OSBPL6: variants seen among roughly 807,000 people sequenced by gnomAD.
The protein encoded by OSBPL6 is oxysterol-binding protein-related protein 6.
A neutral mutation model predicts 125.8 loss-of-function variants in OSBPL6; 49 were observed. That is an observed-to-expected ratio of 0.39 (90% confidence interval 0.31 to 0.49). The LOEUF (loss-of-function observed/expected upper bound fraction) is 0.49, where lower values mean the gene tolerates loss of function less well. OSBPL6 is among the 20% of genes least tolerant of loss of function. The probability of loss-of-function intolerance (pLI) is 0.88; values close to 1 mark genes in which losing one functional copy is unlikely to be tolerated. For missense variants in OSBPL6, 986 were observed against 1,135.4 expected (o/e 0.87, Z 1.89); for synonymous variants, 394 against 391.8 (o/e 1.01, Z -0.07).
At chr2:178,237,433 G>T (rs1307290272) in intron 1 of OSBPL6, among the ~76,000 whole-genome samples, 3 of 151,994 alleles carry the variant, frequency 2.0e-5, no homozygotes, top group Admixed American at 6.6e-5. Flanking sequence ...ATTTGAAAAG[G>T]TCTCCTCTAT....
chr2:178,348,192 G>A (rs1464690792), intron 11 of OSBPL6, among the ~76,000 whole-genome samples: 1 of 152,190 alleles, frequency 6.6e-6, no homozygotes, highest in Non-Finnish European at 1.5e-5. Context: ...CCATCAGAAG[G>A]TAATGGTTCC....
At chr2:178,334,058 G>A (rs1457737097) in intron 8 of OSBPL6, among the ~76,000 whole-genome samples, 2 of 152,124 alleles carry the variant, frequency 1.3e-5, no homozygotes, top group Non-Finnish European at 2.9e-5. Flanking sequence ...GCTGAAATAA[G>A]AGTTCACTTC....
In OSBPL6 at chr2:178,328,508, GA is replaced by G. The variant is rs1268515407; in HGVS notation, c.318+131del. 25 of 1,109,682 alleles carry G rather than the reference GA, an allele frequency of 2.3e-5. No individual in the cohort carries two copies. In the East Asian group the frequency reaches 6.3e-4, roughly 28 times the overall value. 68.7% of individuals were successfully genotyped at this position (1,109,682 alleles called of 1,614,324 possible). A position where few individuals can be genotyped will look rare whatever the true frequency, so the allele number is the denominator to read the frequency against. On this transcript the variant is annotated intron_variant, in intron 5 of 24. Coordinates refer to ENST00000190611, the MANE Select transcript of OSBPL6 (RefSeq NM_032523.4). ...CTAGCTTTTTAAAACTTTTTTTTGA[GA>G]CAGATTCTCACTCTGTTACCCAAGC...
intron 5 of OSBPL6, 69 bp downstream of exon 5, chr2:178,328,447 G>C (rs904156659): frequency 2.2e-5 from 34 of 1,567,390 alleles, no homozygotes; most frequent in Non-Finnish European, 2.8e-5. Flanking sequence ...TGCTATCATG[G>C]GGTGGGAAAC....
intron 3 of OSBPL6, among the ~76,000 whole-genome samples, chr2:178,315,655 T>C (rs1687667498): frequency 6.6e-6 from 1 of 152,172 alleles, no homozygotes; most frequent in African/African-American, 2.4e-5. Context: ...ATGACTGGTT[T>C]TGGGTGACAT....
chr2:178,243,506 C>T (rs972965291), intron 1 of OSBPL6, among the ~76,000 whole-genome samples: 1 of 152,122 alleles, frequency 6.6e-6, no homozygotes, highest in Admixed American at 6.5e-5. Context: ...CCTTTGGTGC[C>T]TCATTCCTTC....
At chr2:178,225,001 C>CG (rs1559134482) in intron 1 of OSBPL6, among the ~76,000 whole-genome samples, 1 of 41,132 alleles carries the variant, frequency 2.4e-5, no homozygotes, top group African/African-American at 8.1e-5. Flanking sequence ...CTCTCTCTCT[C>CG]TTTCTCTCTC....
intron 5 of OSBPL6, among the ~76,000 whole-genome samples, 200 bp downstream of exon 5, chr2:178,328,578 C>T (rs984109115): frequency 6.6e-6 from 1 of 152,176 alleles, no homozygotes; most frequent in African/African-American, 2.4e-5. Context: ...GCTTCCACCT[C>T]GCAGGTTCAA....
chr2:178,300,157 C>A (rs1252953763), intron 2 of OSBPL6, among the ~76,000 whole-genome samples: 3 of 152,200 alleles, frequency 2.0e-5, no homozygotes, highest in Non-Finnish European at 2.9e-5. Flanking sequence ...CAAACCTTAT[C>A]TTCACTTACA....
intron 1 of OSBPL6, among the ~76,000 whole-genome samples, chr2:178,276,592 C>T (rs956207467): frequency 6.6e-6 from 1 of 151,940 alleles, no homozygotes. Flanking sequence ...AGGCTGGTCT[C>T]GAACTCCTGA....
chr2:178,388,715 G>A (rs1695155588), intron 20 of OSBPL6, among the ~76,000 whole-genome samples: 1 of 152,172 alleles, frequency 6.6e-6, no homozygotes, highest in African/African-American at 2.4e-5. Flanking sequence ...CATATTTTAA[G>A]TATTTGTTTG....
intron 2 of OSBPL6, among the ~76,000 whole-genome samples, chr2:178,298,640 C>A (rs532666020): frequency 5.2e-4 from 79 of 151,756 alleles, no homozygotes; most frequent in African/African-American, 1.8e-3. Context: ...ACCTCTTCCT[C>A]CCAAAGTGCT....
intron 1 of OSBPL6, among the ~76,000 whole-genome samples, chr2:178,201,680 A>C (rs538412837): frequency 1.3e-5 from 2 of 152,220 alleles, no homozygotes; most frequent in Admixed American, 6.5e-5. Flanking sequence ...GAGGTGTCCG[A>C]GCCAGTGCCA....
chr2:178,253,188 A>C (rs1380091625), intron 1 of OSBPL6, among the ~76,000 whole-genome samples: 2 of 151,852 alleles, frequency 1.3e-5, no homozygotes, highest in Non-Finnish European at 2.9e-5. Flanking sequence ...AGCCCAGCTA[A>C]TTTTTGTATT....
intron 1 of OSBPL6, among the ~76,000 whole-genome samples, chr2:178,276,095 C>T (rs2092463313): frequency 6.6e-6 from 1 of 152,054 alleles, no homozygotes; most frequent in Admixed American, 6.5e-5. Context: ...TTCTACTTTC[C>T]CCCTAGTGTA....
rs73032582 is a variant in OSBPL6 at position 178,349,125 on chromosome 2, G to A, written c.988-99G>A. On this transcript the variant is annotated intron_variant, in intron 11 of 24. Transcript: ENST00000190611. ...TGTCTCCAAGTGTGTTATCAGAGAG[G>A]AATCTATTATTTTGAAGAACGGGAG... The A allele has an allele frequency of 6.5e-3, 8,060 of 1,241,882 alleles. 363 individuals are homozygous for A. The African/African-American group carries it at 0.1, about 16-fold the overall frequency. 76.9% of individuals were successfully genotyped at this position (1,241,882 alleles called of 1,614,324 possible). A position where few individuals can be genotyped will look rare whatever the true frequency, so the allele number is the denominator to read the frequency against.
At chr2:178,385,229 T>A (rs1694837690) in intron 18 of OSBPL6, among the ~76,000 whole-genome samples, 1 of 151,778 alleles carries the variant, frequency 6.6e-6, no homozygotes, top group Middle Eastern at 3.4e-3. Context: ...GAACTTAAAG[T>A]ATAATTAAAG....
At chr2:178,298,066 T>G (rs1685923925) in intron 2 of OSBPL6, among the ~76,000 whole-genome samples, 1 of 152,190 alleles carries the variant, frequency 6.6e-6, no homozygotes, top group East Asian at 1.9e-4. Context: ...CCTTCTGTCT[T>G]TATACATTTG....
At chr2:178,238,218 A>G (rs2091141298) in intron 1 of OSBPL6, among the ~76,000 whole-genome samples, 1 of 152,182 alleles carries the variant, frequency 6.6e-6, no homozygotes. Context: ...AAATAAACAA[A>G]TCATACATCT....
Sources: allele counts gnomAD v4.1 joint callset (sites outside exome capture counted in the v4.1 genomes callset), GRCh38; gene constraint gnomAD v4.1.1; transcripts MANE v1.5; gene names NCBI Gene and HGNC (gene_info 2026-07-23, HGNC 2026-07-21).